Variants in CHERP observed in about 807,000 individuals in gnomAD.
CHERP encodes the protein ERPROT 213-21.
A neutral mutation model predicts 113.8 loss-of-function variants in CHERP; 8 were observed. The observed-to-expected ratio is 0.07, with a 90% confidence interval of 0.04 to 0.13. The LOEUF is 0.13. CHERP is among the 10% of genes least tolerant of loss of function. The pLI is 1.00. For missense variants in CHERP, 884 were observed against 1,298.2 expected, an observed-to-expected ratio of 0.68 and a Z score of 4.90; for synonymous variants, 559 against 524.5, an observed-to-expected ratio of 1.07 and a Z score of -0.90.
chr19:16,522,136 T>A (rs1477771322), intron 11 of CHERP, among the ~76,000 whole-genome samples: 3 of 152,082 alleles, frequency 2.0e-5, no homozygotes, highest in Admixed American at 2.0e-4. Context: ...CGCCCGCAGC[T>A]CTCCCTGCTG....
At chr19:16,521,493 GC>G in intron 12 of CHERP, 27 bp downstream of exon 12, 1 of 1,536,054 alleles carries the variant, frequency 6.5e-7, no homozygotes. Context: ...GAGGCCTCCC[GC>G]CCACCCCACT....
chr19:16,537,629 G>A (rs780450508), intron 2 of CHERP, among the ~76,000 whole-genome samples: 13 of 151,408 alleles, frequency 8.6e-5, no homozygotes, highest in Admixed American at 3.3e-4. Context: ...TCCCAGTGAC[G>A]AGCCACATAG....
intron 9 of CHERP, among the ~76,000 whole-genome samples, chr19:16,527,824 G>A (rs543965640): frequency 3.9e-5 from 6 of 152,276 alleles, no homozygotes; most frequent in Admixed American, 1.3e-4. Flanking sequence ...CCCTGCACTC[G>A]CAGGACAATG....
At position 16,525,963 on chromosome 19, in the gene CHERP, G is replaced by A. The variant is rs200470164; in HGVS notation, c.1306-286C>T. Among the ~76,000 whole-genome samples the A allele has an allele frequency of 5.3e-4, 81 of 152,314 alleles. No individual in the cohort carries two copies. The East Asian group carries it at 0.011, about 21-fold the overall frequency. On this transcript the variant is annotated intron_variant, in intron 9 of 16. Coordinates refer to ENST00000546361, the MANE Select transcript of CHERP (RefSeq NM_006387.6). The surrounding 1 kb of genome is among the most constrained non-coding windows in gnomAD (Gnocchi z 6.5). ...CGCTGCACCCGCACACAGGCCGCCC[G>A]CGCCACAAGGTGCTCCCCGCTACCA...
chr19:16,529,707 G>T lies in CHERP; in HGVS notation c.1070C>A (p.Pro357Gln). ...MEAEVKATPPPPAPPPAPAPA... is the reference protein window; with the variant it reads ...MEAEVKATPPQPAPPPAPAPA... Reference sequence around the variant, plus strand: ...TGCTGGGGCCGGGGGTGGAGCAGGCGGTGGAGGCGTGGCCTTGACTTCAGC... The same window carrying T: ...TGCTGGGGCCGGGGGTGGAGCAGGCTGTGGAGGCGTGGCCTTGACTTCAGC... Residue 357 changes from proline (P) to glutamine (Q), a missense_variant, in exon 8 of 17, where the codon CCG (proline) becomes CAG (glutamine). This residue lies in a region of CHERP where 464 missense variants were observed against 590.1 expected (regional missense o/e 0.79). Transcript: ENST00000546361. 6.3e-7 allele frequency: 1 copy of T among 1,592,052 alleles called. No individual in the cohort carries two copies.
At position 16,530,435 on chromosome 19, in the gene CHERP, T is replaced by C; in HGVS notation, c.876+150A>G. On this transcript the variant is annotated intron_variant, in intron 7 of 16. Transcript: ENST00000546361. The surrounding 1 kb of genome is among the most constrained non-coding windows in gnomAD (Gnocchi z 4.1). ...CTGGGAAATGTCACCTGGGACTCTC[T>C]GGTCAACACACACTGGCTACTCCTA... 1.4e-6 allele frequency: 1 copy of C among 719,640 alleles called. No individual in the cohort carries two copies. Among genetic ancestry groups the C allele is most frequent in the African/African-American group, 1.8e-5 (1 of 57,076 alleles). 44.6% of individuals were successfully genotyped at this position (719,640 alleles called of 1,614,324 possible). A position where few individuals can be genotyped will look rare whatever the true frequency, so the allele number is the denominator to read the frequency against.
chr19:16,530,847 G>A lies in CHERP; in HGVS notation c.708C>T (p.Ala236=), dbSNP rs201311652. The A allele has an allele frequency of 7.1e-5, 114 of 1,613,718 alleles. No homozygotes were observed. The African/African-American group carries it at 1.3e-3, about 19-fold the overall frequency. Reference sequence around the variant, plus strand: ...AGATGGGCACCACGACCTTCTGCAGGGCGGCCAGCAGCTCCCGGGCCTGCT... The same window carrying A: ...AGATGGGCACCACGACCTTCTGCAGAGCGGCCAGCAGCTCCCGGGCCTGCT... The part of the protein sequence containing the change: ...QRKQARELLA[A]LQKVVVPIYC... The change falls in exon 6 of 17, where the codon GCC becomes GCT. Residue 236 remains alanine, a synonymous_variant. Transcript: ENST00000546361. The surrounding 1 kb of genome is among the most constrained non-coding windows in gnomAD (Gnocchi z 4.1).
At position 16,529,814 on chromosome 19, in the gene CHERP, G is replaced by C; in HGVS notation, c.963C>G (p.His321Gln). ...QQQIQTLKTQ[H>Q]EEFVTSLAQQ... Reference sequence around the variant, plus strand: ...GGGCCAGGCTGGTGACAAACTCCTCGTGCTGCGTCTTGAGGGTCTGGATCT... The same window carrying C: ...GGGCCAGGCTGGTGACAAACTCCTCCTGCTGCGTCTTGAGGGTCTGGATCT... Residue 321 changes from histidine to glutamine, a missense_variant, in exon 8 of 17, where the codon CAC (histidine) becomes CAG (glutamine). Coordinates refer to ENST00000546361, the MANE Select transcript of CHERP (RefSeq NM_006387.6). The C allele has an allele frequency of 6.2e-7, 1 of 1,613,674 alleles. No homozygotes were observed. The highest frequency in any genetic ancestry group is 8.5e-7 in the Non-Finnish European group (1 of 1,179,934).
intron 5 of CHERP, among the ~76,000 whole-genome samples, chr19:16,531,651 T>C (rs1329944293): frequency 6.6e-6 from 1 of 152,064 alleles, no homozygotes; most frequent in African/African-American, 2.4e-5. Context: ...GGCTGGAGAA[T>C]GCGGGAAACT....
chr19:16,518,760 C>T lies in CHERP; in HGVS notation c.*399G>A, dbSNP rs535821588. ...GGAGGAAGGAGCTGGGGTGCCGGCT[C>T]TGGCTCAGGCCAACCCTTCCTGCAC... On this transcript the variant is annotated 3_prime_UTR_variant, in exon 17 of 17. Coordinates refer to ENST00000546361, the MANE Select transcript of CHERP (RefSeq NM_006387.6). 2.7e-5 allele frequency: 6 copies of T among 224,576 alleles called. No homozygotes were observed. The highest frequency in any genetic ancestry group is 4.4e-5 in the Non-Finnish European group (5 of 114,202). 13.9% of individuals were successfully genotyped at this position (224,576 alleles called of 1,614,324 possible).
chr19:16,519,545 A>C lies in CHERP; in HGVS notation c.2557+76T>G. ...CATCCATCCCCACATGCACTGAGGA[A>C]GAGAAAGCGCTGGTGACTCCCGGGC... On this transcript the variant is annotated intron_variant, in intron 16 of 16. Transcript: ENST00000546361. This position sits in a 1 kb window ranked among gnomAD's most constrained non-coding sequence, Gnocchi z 6.0. 3.6e-6 allele frequency: 5 copies of C among 1,381,662 alleles called. No individual in the cohort carries two copies. Among genetic ancestry groups the C allele is most frequent in the Non-Finnish European group, 5.1e-6 (5 of 971,560 alleles). The allele number at this position is 1,381,662 out of a possible 1,614,324, so 85.6% of individuals were successfully genotyped here.
intron 2 of CHERP, among the ~76,000 whole-genome samples, chr19:16,540,380 C>CA (rs1568265709): frequency 8.1e-6 from 1 of 123,724 alleles, no homozygotes; most frequent in Non-Finnish European, 1.7e-5. Flanking sequence ...TTTCAAGCTG[C>CA]TTTTTTTTTT....
At chr19:16,529,951 T>C (rs770267666) in intron 7 of CHERP, 51 bp from the exon 8 acceptor site, 6 of 1,569,158 alleles carry the variant, frequency 3.8e-6, no homozygotes, top group Middle Eastern at 3.4e-4. Flanking sequence ...TGGGGCTCGC[T>C]GCCTGGCGCC....
intron 11 of CHERP, among the ~76,000 whole-genome samples, chr19:16,522,267 C>CTT (rs941317864): frequency 1.4e-5 from 2 of 147,848 alleles, no homozygotes; most frequent in African/African-American, 4.9e-5. Flanking sequence ...CCAACCCCCC[C>CTT]TTTTTTTTTT....
chr19:16,529,497 TA>T, intron 8 of CHERP, 150 bp downstream of exon 8: 1 of 952,968 alleles, frequency 1.0e-6, no homozygotes, highest in South Asian at 1.7e-5. Flanking sequence ...CTCGTGCTTG[TA>T]AATGGATGAA....
Position 16,519,774 on chromosome 19 carries a change from AG to A in CHERP, c.2463-60del, listed in dbSNP as rs1370663591. 8 of 1,413,666 alleles carry A rather than the reference AG, an allele frequency of 5.7e-6. No individual in the cohort carries two copies. Among genetic ancestry groups the A allele is most frequent in the Non-Finnish European group, 7.0e-6 (7 of 998,024 alleles). The allele number at this position is 1,413,666 out of a possible 1,614,324, so 87.6% of individuals were successfully genotyped here. On this transcript the variant is annotated intron_variant, in intron 15 of 16. Transcript: ENST00000546361. The surrounding 1 kb of genome is among the most constrained non-coding windows in gnomAD (Gnocchi z 6.0). ...TAACTGAGACATTTATTGGAATGAC[AG>A]TGATGAGGACCTCACAGCCGCAGCT...
intron 2 of CHERP, among the ~76,000 whole-genome samples, chr19:16,540,265 C>T (rs1376210097): frequency 2.0e-5 from 3 of 151,732 alleles, no homozygotes; most frequent in Non-Finnish European, 4.4e-5. Flanking sequence ...TGGGGTTTCA[C>T]CATGTTGGCC....
At chr19:16,538,154 C>G (rs1024876935) in intron 2 of CHERP, among the ~76,000 whole-genome samples, 1 of 151,974 alleles carries the variant, frequency 6.6e-6, no homozygotes, top group African/African-American at 2.4e-5. Context: ...GCCAGGTCCC[C>G]GACTCCTCCC....
chr19:16,526,190 C>T (rs2085656822), intron 9 of CHERP: 1 of 155,398 alleles, frequency 6.4e-6, no homozygotes, highest in Non-Finnish European at 1.4e-5. Context: ...GGGTCTGCTT[C>T]TGGGGACTTT....
Sources: gnomAD v4.1 joint callset for allele counts (sites outside exome capture counted in the v4.1 genomes callset) on GRCh38, gnomAD v4.1.1 for gene constraint, gnomAD v4.1.1 regional missense constraint, Gnocchi (gnomAD v3.1) non-coding constraint, MANE v1.5 for transcripts, NCBI Gene and HGNC (gene_info 2026-07-23, HGNC 2026-07-21) for gene names.